The following SCAPER variants were observed in gnomAD, a reference collection of about 807,000 sequenced individuals.
SCAPER encodes the protein S-phase cyclin A associated protein in the ER.
A neutral mutation model predicts 182.2 loss-of-function variants in SCAPER; 98 were observed. That is an observed-to-expected ratio of 0.54 (90% CI 0.46 to 0.64). The LOEUF (loss-of-function observed/expected upper bound fraction) is 0.64. Among genes scored for constraint, SCAPER ranks in the 30% least tolerant of loss-of-function variants. The pLI, the probability that SCAPER is intolerant of heterozygous loss-of-function variation, is 0.00. For synonymous variants in SCAPER, 605 were observed against 564.6 expected, an observed-to-expected ratio of 1.07 and a Z score of -1.01; for missense variants, 1,432 against 1,690.0, an observed-to-expected ratio of 0.85 and a Z score of 2.68.
In SCAPER at chr15:76,387,805, A is replaced by G. The variant is rs559353621; in HGVS notation, c.3468-6190T>C. Among the ~76,000 whole-genome samples the G allele has an allele frequency of 3.9e-5, 6 of 152,334 alleles. 1 individual carries two copies. Among genetic ancestry groups the G allele is most frequent in the African/African-American group, 1.4e-4 (6 of 41,584 alleles). ...AATATACACAAATGACTTAAGTCTTATTTTTAGATCATAAAAACTAATTCC... is the reference window on the plus strand; with the variant it reads ...AATATACACAAATGACTTAAGTCTTGTTTTTAGATCATAAAAACTAATTCC... On this transcript the variant is annotated intron_variant, in intron 27 of 31. Transcript: ENST00000563290.
chr15:76,817,227 T>C (rs926361779), intron 5 of SCAPER, among the ~76,000 whole-genome samples: 1 of 152,228 alleles, frequency 6.6e-6, no homozygotes, highest in Non-Finnish European at 1.5e-5. Context: ...AATGAAATAT[T>C]ATTCCACCTT....
At chr15:76,782,263 A>G (rs1432506029) in intron 8 of SCAPER, among the ~76,000 whole-genome samples, 2 of 152,148 alleles carry the variant, frequency 1.3e-5, no homozygotes, top group Non-Finnish European at 2.9e-5. Context: ...CAGACTTTAA[A>G]CCAACAAAGA....
chr15:76,408,759 G>C (rs957213868), intron 26 of SCAPER, among the ~76,000 whole-genome samples: 13 of 151,738 alleles, frequency 8.6e-5, no homozygotes, highest in Non-Finnish European at 1.8e-4. Flanking sequence ...CTCCTGATAA[G>C]AGGGTCCTTT....
intron 24 of SCAPER, among the ~76,000 whole-genome samples, chr15:76,483,778 A>C (rs1395471144): frequency 1.3e-5 from 2 of 152,198 alleles, no homozygotes; most frequent in African/African-American, 4.8e-5. Context: ...TTGAAGGATT[A>C]CAAATTAAAA....
chr15:76,637,742 A>ATATATATATG (rs1414519401), intron 21 of SCAPER, among the ~76,000 whole-genome samples: 1 of 105,816 alleles, frequency 9.5e-6, no homozygotes, highest in South Asian at 3.7e-4. Flanking sequence ...ATATATATAT[A>ATATATATATG]TGTGTGTGTG....
chr15:76,590,260 G>A (rs1279207076), intron 22 of SCAPER, among the ~76,000 whole-genome samples: 1 of 152,056 alleles, frequency 6.6e-6, no homozygotes, highest in African/African-American at 2.4e-5. Context: ...ATGGAGGCTT[G>A]GATGAAAATT....
At chr15:76,883,218 C>A (rs531427944) in intron 2 of SCAPER, among the ~76,000 whole-genome samples, 27 of 152,282 alleles carry the variant, frequency 1.8e-4, no homozygotes, top group African/African-American at 6.0e-4. Flanking sequence ...AGGTTGGTCA[C>A]CCCAACTATC....
intron 23 of SCAPER, among the ~76,000 whole-genome samples, chr15:76,543,323 G>A (rs1390974357): frequency 6.6e-6 from 1 of 152,100 alleles, no homozygotes; most frequent in East Asian, 1.9e-4. Context: ...TTAGGAAATT[G>A]GTTGTAGGTT....
intron 24 of SCAPER, among the ~76,000 whole-genome samples, chr15:76,503,171 T>A (rs2041292886): frequency 6.6e-6 from 1 of 152,194 alleles, no homozygotes; most frequent in African/African-American, 2.4e-5. Context: ...AGAATCAATA[T>A]CATTTCCTTT....
intron 21 of SCAPER, among the ~76,000 whole-genome samples, chr15:76,645,996 C>T (rs772513083): frequency 5.3e-5 from 8 of 152,150 alleles, no homozygotes; most frequent in Admixed American, 6.5e-5. Flanking sequence ...CGGTCAGGCT[C>T]TCTGGTCAAT....
At chr15:76,840,312 C>A (rs563562753) in intron 5 of SCAPER, among the ~76,000 whole-genome samples, 1 of 151,114 alleles carries the variant, frequency 6.6e-6, no homozygotes, top group Admixed American at 6.6e-5. Context: ...CCCAGCTACT[C>A]AGGAGGCTGA....
At chr15:76,610,594 C>T (rs1854794024) in intron 22 of SCAPER, among the ~76,000 whole-genome samples, 1 of 151,960 alleles carries the variant, frequency 6.6e-6, no homozygotes. Context: ...TTGCAGAATA[C>T]AAAATCAACA....
chr15:76,588,675 T>C (rs1240066575), intron 22 of SCAPER, among the ~76,000 whole-genome samples: 1 of 152,236 alleles, frequency 6.6e-6, no homozygotes, highest in Non-Finnish European at 1.5e-5. Context: ...CTTTAAATTG[T>C]ATTTTTGTTT....
chr15:76,472,390 G>A (rs929643702), intron 24 of SCAPER: 9 of 701,490 alleles, frequency 1.3e-5, no homozygotes, highest in African/African-American at 7.1e-5. Context: ...TTTGGTGACT[G>A]TGTACTTCTG....
chr15:76,734,212 T>A (rs1476996856), intron 15 of SCAPER, among the ~76,000 whole-genome samples: 2 of 152,228 alleles, frequency 1.3e-5, no homozygotes, highest in Non-Finnish European at 1.5e-5. Flanking sequence ...CATATATTGA[T>A]CCTTAATAGT....
intron 2 of SCAPER, among the ~76,000 whole-genome samples, chr15:76,870,047 T>C (rs2072587864): frequency 6.6e-6 from 1 of 151,870 alleles, no homozygotes; most frequent in Non-Finnish European, 1.5e-5. Flanking sequence ...AAAAAGTGGA[T>C]CTCATAAAGA....
rs568176044 is a variant in SCAPER, at chr15:76,841,835, G to A, written c.292C>T (p.Leu98=). Residue 98 remains leucine (L), a synonymous_variant, in exon 5 of 32, where the codon CTA becomes TTA. Transcript: ENST00000563290. ...TKTRHPRKID[L]RARYWAFLFD... ...AGAAATGCCCAGTATCGAGCTCTTA[G>A]ATCAATTTTCCGAGGGTGCCTTGTT... 8.1e-6 allele frequency: 13 copies of A among 1,613,928 alleles called. No individual in the cohort carries two copies. Among genetic ancestry groups the A allele is most frequent in the Non-Finnish European group, 1.1e-5 (13 of 1,179,868 alleles).
At chr15:76,357,535 T>C (rs986548998) in intron 29 of SCAPER, among the ~76,000 whole-genome samples, 2 of 152,186 alleles carry the variant, frequency 1.3e-5, no homozygotes, top group Non-Finnish European at 2.9e-5. Flanking sequence ...ACAACTTCTA[T>C]GGAAAACAGT....
chr15:76,479,914 A>G (rs1346851353), intron 24 of SCAPER, among the ~76,000 whole-genome samples: 2 of 152,234 alleles, frequency 1.3e-5, no homozygotes, highest in Admixed American at 6.5e-5. Context: ...GGCACAGTAA[A>G]ATTCTGTGCC....
Sources: gnomAD v4.1 joint callset for allele counts (sites outside exome capture counted in the v4.1 genomes callset) on GRCh38, gnomAD v4.1.1 for gene constraint, MANE v1.5 for transcripts, NCBI Gene and HGNC (gene_info 2026-07-23, HGNC 2026-07-21) for gene names.